The following ALK variants were observed in gnomAD, a reference collection of about 807,000 sequenced individuals.
ALK encodes ALK receptor tyrosine kinase.
ALK carries 74 observed loss-of-function variants against 163.1 expected under a neutral mutation model. The observed-to-expected ratio is 0.45, with a 90% confidence interval of 0.38 to 0.55. ALK has a LOEUF of 0.55. Ranked by LOEUF, ALK falls within the 20% of genes least tolerant of loss-of-function variation. ALK has a pLI of 0.00. For synonymous variants in ALK, 960 were observed against 843.2 expected, an observed-to-expected ratio of 1.14 and a Z score of -2.40; for missense variants, 2,063 against 2,105.3, an observed-to-expected ratio of 0.98 and a Z score of 0.39.
At chr2:29,446,903 TG>T (rs1670698849) in intron 4 of ALK, among the ~76,000 whole-genome samples, 1 of 152,214 alleles carries the variant, frequency 6.6e-6, no homozygotes, top group Non-Finnish European at 1.5e-5. Flanking sequence ...GAGTTTAGTG[TG>T]TGGTTTATGA....
chr2:29,615,660 TC>T (rs773267147), intron 3 of ALK, among the ~76,000 whole-genome samples: 1 of 152,206 alleles, frequency 6.6e-6, no homozygotes, highest in Non-Finnish European at 1.5e-5. Context: ...GGAGGATCCT[TC>T]ATAGCAGGGA....
chr2:29,735,220 A>G (rs1178022228), intron 1 of ALK, among the ~76,000 whole-genome samples: 1 of 151,688 alleles, frequency 6.6e-6, no homozygotes. Flanking sequence ...TGGATATACC[A>G]TTCCCCTGTT....
At chr2:29,311,902 A>C (rs1211507537) in intron 8 of ALK, among the ~76,000 whole-genome samples, 1 of 152,114 alleles carries the variant, frequency 6.6e-6, no homozygotes, top group Admixed American at 6.5e-5. Flanking sequence ...CAGTGGAGCA[A>C]AGGGACTTTT....
chr2:29,598,121 C>T (rs986229177), intron 3 of ALK, among the ~76,000 whole-genome samples: 11 of 152,140 alleles, frequency 7.2e-5, no homozygotes, highest in Admixed American at 3.9e-4. Context: ...TCTGCCTCCT[C>T]GGTTCAAGCG....
At chr2:29,617,195 G>GT (rs1372129216) in intron 3 of ALK, among the ~76,000 whole-genome samples, 1 of 152,166 alleles carries the variant, frequency 6.6e-6, no homozygotes, top group Non-Finnish European at 1.5e-5. Flanking sequence ...TCTTTTAGAT[G>GT]TCAAAGCTAT....
At chr2:29,454,193 A>C (rs1470392264) in intron 4 of ALK, among the ~76,000 whole-genome samples, 2 of 152,176 alleles carry the variant, frequency 1.3e-5, no homozygotes, top group Non-Finnish European at 2.9e-5. Flanking sequence ...ATTTATTTTC[A>C]ACTGTGGGAT....
intron 1 of ALK, among the ~76,000 whole-genome samples, chr2:29,850,810 C>T (rs1665971130): frequency 6.6e-6 from 1 of 152,204 alleles, no homozygotes; most frequent in Non-Finnish European, 1.5e-5. Flanking sequence ...CCTGTGCTTT[C>T]TCCCAAGCCC....
intron 1 of ALK, among the ~76,000 whole-genome samples, chr2:29,732,115 A>G (rs1679758858): frequency 1.3e-5 from 2 of 152,220 alleles, no homozygotes; most frequent in Admixed American, 1.3e-4. Flanking sequence ...GCATTGCTAC[A>G]ATAGGGAGAA....
chr2:29,329,977 C>A (rs1667391245), intron 5 of ALK, among the ~76,000 whole-genome samples: 1 of 152,196 alleles, frequency 6.6e-6, no homozygotes. Context: ...GGTGCCCTCT[C>A]CATCTCACGG....
At chr2:29,576,757 T>A (rs1489983871) in intron 3 of ALK, among the ~76,000 whole-genome samples, 1 of 152,054 alleles carries the variant, frequency 6.6e-6, no homozygotes, top group East Asian at 1.9e-4. Context: ...CTGCATTAGA[T>A]TCTCATAGGA....
chr2:29,380,824 A>T (rs1177312482), intron 5 of ALK, among the ~76,000 whole-genome samples: 3 of 152,116 alleles, frequency 2.0e-5, no homozygotes, highest in African/African-American at 7.2e-5. Flanking sequence ...TGATCCAATT[A>T]CCCACCAGCC....
intron 4 of ALK, among the ~76,000 whole-genome samples, chr2:29,432,564 C>G (rs1017557652): frequency 6.6e-6 from 1 of 152,066 alleles, no homozygotes; most frequent in Non-Finnish European, 1.5e-5. Flanking sequence ...TGTATGATAA[C>G]GAGGTCATTT....
intron 14 of ALK, among the ~76,000 whole-genome samples, chr2:29,233,224 C>G (rs1188586825): frequency 6.6e-6 from 1 of 152,174 alleles, no homozygotes. Flanking sequence ...CTCATTGTAG[C>G]CTTGAACTCC....
chr2:29,592,907 T>C (rs1354186764), intron 3 of ALK, among the ~76,000 whole-genome samples: 1 of 151,760 alleles, frequency 6.6e-6, no homozygotes, highest in Non-Finnish European at 1.5e-5. Context: ...CTCCCTGGAG[T>C]CTTGGGAGGG....
intron 5 of ALK, among the ~76,000 whole-genome samples, chr2:29,353,625 G>A (rs1179319743): frequency 6.6e-6 from 1 of 151,706 alleles, no homozygotes; most frequent in Non-Finnish European, 1.5e-5. Context: ...GAGGTGTTTT[G>A]TTCATTACAC....
intron 1 of ALK, among the ~76,000 whole-genome samples, chr2:29,802,609 T>C (rs1664513066): frequency 7.4e-6 from 1 of 134,524 alleles, no homozygotes; most frequent in African/African-American, 2.8e-5. Flanking sequence ...GAGAAAACCC[T>C]CCAGAGCCAA....
At chr2:29,832,681 C>T (rs187981318) in intron 1 of ALK, among the ~76,000 whole-genome samples, 52 of 152,364 alleles carry the variant, frequency 3.4e-4, no homozygotes, top group Middle Eastern at 3.4e-3. Flanking sequence ...ATTGTACCTG[C>T]TTCTGAATAC....
rs771497081 is a variant in ALK, at chr2:29,229,083, G to A, written c.2633-17C>T. 21 of 1,612,790 alleles carry A rather than the reference G, an allele frequency of 1.3e-5. No individual in the cohort carries two copies. The highest frequency in any genetic ancestry group is 1.5e-5 in the Non-Finnish European group (18 of 1,179,116). Reference sequence around the variant, plus strand: ...CTCCACCACCTGCGGGAAGAGATAGGGAACCTGCGTGAGGATGCTGGCAAG... The same window carrying A: ...CTCCACCACCTGCGGGAAGAGATAGAGAACCTGCGTGAGGATGCTGGCAAG... On this transcript the variant is annotated splice_polypyrimidine_tract_variant and intron_variant, in intron 15 of 28. Coordinates refer to ENST00000389048, the MANE Select transcript of ALK (RefSeq NM_004304.5).
At chr2:29,418,036 G>A (rs1669923461) in intron 4 of ALK, among the ~76,000 whole-genome samples, 2 of 152,136 alleles carry the variant, frequency 1.3e-5, no homozygotes, top group Admixed American at 6.5e-5. Context: ...CCCCTTTAAG[G>A]TCATGCTTCC....
Sources: allele counts gnomAD v4.1 joint callset (sites outside exome capture counted in the v4.1 genomes callset), GRCh38; gene constraint gnomAD v4.1.1; transcripts MANE v1.5; gene names NCBI Gene and HGNC (gene_info 2026-07-23, HGNC 2026-07-21).